ADAMTS18: variants seen among roughly 807,000 people sequenced by gnomAD.
ADAMTS18 encodes the protein A disintegrin and metalloproteinase with thrombospondin motifs 18.
In ADAMTS18, 157 loss-of-function variants were observed where a neutral mutation model predicts 165.9. The observed-to-expected ratio is 0.95, with a 90% CI of 0.83 to 1.08. The LOEUF (loss-of-function observed/expected upper bound fraction) is 1.08, where lower values mean the gene tolerates loss of function less well. Among genes scored for constraint, ADAMTS18 ranks in the 50% least tolerant of loss-of-function variants. The pLI is 0.00. For synonymous variants in ADAMTS18, 782 were observed against 578.2 expected (o/e 1.35, Z -5.06); for missense variants, 2,040 against 1,534.0 (o/e 1.33, Z -5.51).
At position 77,284,097 on chromosome 16, in the gene ADAMTS18, T is replaced by TGTTGGCTAG. The variant is rs570604491; in HGVS notation, c.3551-35_3551-27dup. The TGTTGGCTAG allele has an allele frequency of 4.9e-5, 74 of 1,508,458 alleles. No individual in the cohort carries two copies. In the South Asian group the frequency reaches 8.2e-4, roughly 17 times the overall value. The allele number at this position is 1,508,458 out of a possible 1,614,324, so 93.4% of individuals were successfully genotyped here. A position where few individuals can be genotyped will look rare whatever the true frequency, so the allele number is the denominator to read the frequency against. On this transcript the variant is annotated intron_variant, in intron 22 of 22. Transcript: ENST00000282849. The stretch of plus-strand genomic sequence containing the variant: ...CTAAAATAAGAAAATATATTTAGCA[T>TGTTGGCTAG]GTTGGCTAGGGTGTCTATCCTTTTT...
chr16:77,300,242 C>T, intron 17 of ADAMTS18, 21 bp downstream of exon 17: 3 of 1,613,714 alleles, frequency 1.9e-6, no homozygotes, highest in East Asian at 2.2e-5. Flanking sequence ...ACTTTGGAGA[C>T]AGAATGAGAA....
chr16:77,298,293 A>G (rs1487395666), intron 17 of ADAMTS18, among the ~76,000 whole-genome samples: 1 of 152,026 alleles, frequency 6.6e-6, no homozygotes, highest in Non-Finnish European at 1.5e-5. Flanking sequence ...AGGGGCATAT[A>G]TTTTTTTAAA....
At chr16:77,409,923 G>A (rs991302119) in intron 3 of ADAMTS18, among the ~76,000 whole-genome samples, 3 of 152,068 alleles carry the variant, frequency 2.0e-5, no homozygotes, top group Admixed American at 6.5e-5. Flanking sequence ...TAATATTACC[G>A]TACTAGAATT....
At chr16:77,348,482 G>A (rs920447387) in intron 10 of ADAMTS18, among the ~76,000 whole-genome samples, 3 of 152,202 alleles carry the variant, frequency 2.0e-5, no homozygotes, top group Non-Finnish European at 4.4e-5. Context: ...CAGCACAAGA[G>A]AGAAGATGCT....
chr16:77,284,574 G>A (rs1468971597), intron 22 of ADAMTS18, among the ~76,000 whole-genome samples: 1 of 152,158 alleles, frequency 6.6e-6, no homozygotes, highest in African/African-American at 2.4e-5. Context: ...TGGTAGGGGG[G>A]TGAGGTAGGG....
intron 3 of ADAMTS18, among the ~76,000 whole-genome samples, chr16:77,372,884 T>C (rs1461883502): frequency 1.3e-5 from 2 of 152,176 alleles, no homozygotes; most frequent in Admixed American, 6.5e-5. Flanking sequence ...TGTCCAGCAC[T>C]AATCAACTTC....
chr16:77,430,106 T>C (rs1156917555), intron 3 of ADAMTS18, among the ~76,000 whole-genome samples: 3 of 151,750 alleles, frequency 2.0e-5, no homozygotes, highest in African/African-American at 4.8e-5. Context: ...GAAAGAGAAA[T>C]ACAAAGGGGA....
At chr16:77,425,370 C>T (rs971786617) in intron 3 of ADAMTS18, among the ~76,000 whole-genome samples, 9 of 152,152 alleles carry the variant, frequency 5.9e-5, no homozygotes, top group African/African-American at 1.9e-4. Context: ...ACATACTCCA[C>T]TCAGAGCATC....
At chr16:77,367,392 C>T in intron 4 of ADAMTS18, 49 bp downstream of exon 4, 3 of 1,611,600 alleles carry the variant, frequency 1.9e-6, no homozygotes, top group South Asian at 2.2e-5. Context: ...TCAGGAAAAC[C>T]TGTCGAGGCC....
chr16:77,341,952 GTTAATATGT>G (rs2056404953), intron 10 of ADAMTS18, among the ~76,000 whole-genome samples, 153 bp from the exon 11 acceptor site: 1 of 152,200 alleles, frequency 6.6e-6, no homozygotes, highest in Non-Finnish European at 1.5e-5. Context: ...CAACACCAAA[GTTAATATGT>G]TTTAGTAACT....
intron 16 of ADAMTS18, among the ~76,000 whole-genome samples, chr16:77,317,981 G>C (rs1337165900): frequency 6.6e-6 from 1 of 152,164 alleles, no homozygotes; most frequent in African/African-American, 2.4e-5. Flanking sequence ...CATGCTGTCA[G>C]CCCAGAAAAC....
At chr16:77,392,774 T>A (rs1369119221) in intron 3 of ADAMTS18, among the ~76,000 whole-genome samples, 1 of 152,162 alleles carries the variant, frequency 6.6e-6, no homozygotes, top group Non-Finnish European at 1.5e-5. Flanking sequence ...CAGATCTCTG[T>A]GCAAAAATAT....
intron 12 of ADAMTS18, among the ~76,000 whole-genome samples, chr16:77,330,873 TG>T (rs2056177577): frequency 3.3e-5 from 5 of 152,270 alleles, no homozygotes; most frequent in African/African-American, 9.6e-5. Flanking sequence ...CTGAGTGATG[TG>T]AATAGAACCA....
chr16:77,314,343 C>T (rs1393532001), intron 16 of ADAMTS18, among the ~76,000 whole-genome samples: 1 of 152,032 alleles, frequency 6.6e-6, no homozygotes, highest in Non-Finnish European at 1.5e-5. Context: ...GGGCGTGGTG[C>T]ACACCAGTAA....
At chr16:77,351,156 T>C (rs558625133) in intron 10 of ADAMTS18, among the ~76,000 whole-genome samples, 2 of 152,178 alleles carry the variant, frequency 1.3e-5, no homozygotes, top group South Asian at 4.1e-4. Context: ...AAGTTATAAG[T>C]AGGTTTAAAA....
intron 2 of ADAMTS18, 198 bp from the exon 3 acceptor site, chr16:77,431,809 C>T: frequency 1.6e-6 from 1 of 622,094 alleles, no homozygotes; most frequent in Non-Finnish European, 2.8e-6. Context: ...ACAGTCATTT[C>T]TACAGGTGCC....
At chr16:77,393,089 G>A (rs576629618) in intron 3 of ADAMTS18, among the ~76,000 whole-genome samples, 3 of 152,260 alleles carry the variant, frequency 2.0e-5, no homozygotes, top group Admixed American at 6.5e-5. Context: ...TTGATGAATC[G>A]TATTTAAAGC....
At chr16:77,378,961 C>T (rs1161684424) in intron 3 of ADAMTS18, 2 of 152,144 alleles carry the variant, frequency 1.3e-5, no homozygotes, top group Non-Finnish European at 2.9e-5. Flanking sequence ...AATGAAAGAA[C>T]TAAGCAAGGT....
chr16:77,419,272 T>A (rs35026035), intron 3 of ADAMTS18, among the ~76,000 whole-genome samples: 1 of 152,018 alleles, frequency 6.6e-6, no homozygotes, highest in African/African-American at 2.4e-5. Flanking sequence ...TTTTGGAGGC[T>A]CCAAGAAAGA....
Sources: allele counts gnomAD v4.1 joint callset (sites outside exome capture counted in the v4.1 genomes callset), GRCh38; gene constraint gnomAD v4.1.1; transcripts MANE v1.5; gene names NCBI Gene and HGNC (gene_info 2026-07-23, HGNC 2026-07-21).